The following ASMT variants were observed in gnomAD, a reference collection of about 807,000 sequenced individuals.
ASMT encodes the protein acetylserotonin N-methyltransferase.
A neutral mutation model predicts 41.3 loss-of-function variants in ASMT; 53 were observed. The observed-to-expected ratio is 1.28, with a 90% CI of 1.03 to 1.61. The LOEUF is 1.61. ASMT is among the 40% of genes most tolerant of loss of function. ASMT has a pLI of 0.00. For missense variants in ASMT, 531 were observed against 441.3 expected, an observed-to-expected ratio of 1.20 and a Z score of -1.82; for synonymous variants, 231 against 184.8, an observed-to-expected ratio of 1.25 and a Z score of -2.03.
chrX:1,632,630 G>A (rs1390639311), intron 5 of ASMT, 74 bp from the exon 6 acceptor site: 1 of 164,416 alleles, frequency 6.1e-6, no homozygotes, highest in African/African-American at 2.4e-5. Flanking sequence ...ACTCCAGCCT[G>A]GGCGACAGAG....
Position 1,615,119 on chromosome X carries a change from C to A in ASMT, c.-81C>A, listed in dbSNP as rs1247910843. 5 of 1,326,136 alleles carry A rather than the reference C, an allele frequency of 3.8e-6. No individual in the cohort carries two copies. Among genetic ancestry groups the A allele is most frequent in the East Asian group, 2.5e-5 (1 of 39,828 alleles). The allele number at this position is 1,326,136 out of a possible 1,614,324, so 82.1% of individuals were successfully genotyped here. A position where few individuals can be genotyped will look rare whatever the true frequency, so the allele number is the denominator to read the frequency against. Reference sequence around the variant, plus strand: ...CAGCAGCTGTGAGCGGGTGGCTCTTCCCCACCTTGCCAGCAGGCTCTGTGC... The same window carrying A: ...CAGCAGCTGTGAGCGGGTGGCTCTTACCCACCTTGCCAGCAGGCTCTGTGC... On this transcript the variant is annotated 5_prime_UTR_variant, in exon 1 of 9. Transcript: ENST00000381241.
chrX:1,617,087 C>T (rs1273838548), intron 1 of ASMT, among the ~76,000 whole-genome samples: 3 of 151,838 alleles, frequency 2.0e-5, no homozygotes, highest in Admixed American at 6.6e-5. Flanking sequence ...GCGGGAGGAT[C>T]GCTTAAGCCT....
At chrX:1,631,360 G>C (rs1422870152) in intron 5 of ASMT, among the ~76,000 whole-genome samples, 2 of 151,826 alleles carry the variant, frequency 1.3e-5, no homozygotes, top group African/African-American at 2.4e-5. Flanking sequence ...GGCTGAGCTT[G>C]CTTTTTGAAT....
chrX:1,631,414 C>A (rs1934771478), intron 5 of ASMT, among the ~76,000 whole-genome samples: 1 of 151,952 alleles, frequency 6.6e-6, no homozygotes, highest in African/African-American at 2.4e-5. Context: ...ACCTCCTCTA[C>A]CCCATAGGGC....
At chrX:1,616,509 G>C (rs1374190479) in intron 1 of ASMT, among the ~76,000 whole-genome samples, 1 of 151,206 alleles carries the variant, frequency 6.6e-6, no homozygotes, top group Non-Finnish European at 1.5e-5. Flanking sequence ...AAATGTTCTG[G>C]AACCCGGCGG....
intron 1 of ASMT, among the ~76,000 whole-genome samples, chrX:1,616,113 C>T (rs1229787280): frequency 2.6e-5 from 4 of 151,296 alleles, no homozygotes; most frequent in African/African-American, 9.8e-5. Context: ...ACTGCAACCT[C>T]CGCCTCCAGG....
At chrX:1,630,563 G>C (rs780071690) in intron 5 of ASMT, among the ~76,000 whole-genome samples, 30 of 151,660 alleles carry the variant, frequency 2.0e-4, no homozygotes, top group African/African-American at 7.2e-4. Flanking sequence ...CCTCGGTCTT[G>C]TTTTTAGTTT....
chrX:1,634,063 G>A (rs369565966), intron 7 of ASMT, among the ~76,000 whole-genome samples: 27 of 147,682 alleles, frequency 1.8e-4, no homozygotes, highest in Middle Eastern at 3.5e-3. Context: ...GTGAGCCACC[G>A]CACCCAGCCA....
At chrX:1,630,325 A>AGATGAAGG (rs1934726771) in intron 5 of ASMT, among the ~76,000 whole-genome samples, 1 of 20,458 alleles carries the variant, frequency 4.9e-5, no homozygotes, top group African/African-American at 1.8e-4. Context: ...TTTTTTTTTG[A>AGATGAAGG]GATGAAGTGT....
chrX:1,616,871 G>C (rs1367271246), intron 1 of ASMT, among the ~76,000 whole-genome samples: 4 of 151,796 alleles, frequency 2.6e-5, no homozygotes, highest in Non-Finnish European at 5.9e-5. Context: ...ACCACGCCCG[G>C]CTAATTTTTT....
intron 1 of ASMT, among the ~76,000 whole-genome samples, chrX:1,622,071 C>T (rs1458235403): frequency 6.6e-6 from 1 of 151,906 alleles, no homozygotes; most frequent in African/African-American, 2.4e-5. Flanking sequence ...TGGCTCACTG[C>T]AACCTCTGCC....
chrX:1,628,826 G>A (rs866480211), intron 4 of ASMT, among the ~76,000 whole-genome samples: 15 of 57,526 alleles, frequency 2.6e-4, no homozygotes, highest in African/African-American at 6.3e-4. Flanking sequence ...CTCCTCTCCC[G>A]TCTTCTTTCT....
At position 1,615,270 on chromosome X, in the gene ASMT, T is replaced by C; in HGVS notation, c.69+2T>C. The C allele has an allele frequency of 6.3e-7, 1 of 1,589,646 alleles. No homozygotes were observed. ...GCCAACGGCTTCATGGTGTCCCAGG[T>C]AGGATACGCTCTGTGGGACAAGGGG... On this transcript the variant is annotated splice_donor_variant, in intron 1 of 8. Transcript: ENST00000381241. LOFTEE classifies it high-confidence loss of function.
At chrX:1,630,583 G>A (rs1249869625) in intron 5 of ASMT, among the ~76,000 whole-genome samples, 2 of 151,846 alleles carry the variant, frequency 1.3e-5, no homozygotes, top group African/African-American at 4.8e-5. Flanking sequence ...TTTGAGAGAG[G>A]GTCCTGTTTG....
chrX:1,622,077 C>G lies in ASMT; in HGVS notation c.70-1062C>G, dbSNP rs1379413496. Among the ~76,000 whole-genome samples, 3 of 152,010 alleles carry G rather than the reference C, an allele frequency of 2.0e-5. No individual in the cohort carries two copies. In the East Asian group the frequency reaches 5.8e-4, roughly 29 times the overall value. The stretch of plus-strand genomic sequence containing the variant: ...ATGCGATCTTGGCTCACTGCAACCT[C>G]TGCCTCCCGGGTTTACGCCATTCTC... On this transcript the variant is annotated intron_variant, in intron 1 of 8. Transcript: ENST00000381241.
intron 3 of ASMT, among the ~76,000 whole-genome samples, chrX:1,625,359 G>A (rs1464313328): frequency 6.6e-6 from 1 of 151,332 alleles, no homozygotes; most frequent in Non-Finnish European, 1.5e-5. Flanking sequence ...CTGCCTACAT[G>A]GTGGCAGGCA....
At chrX:1,634,082 A>G (rs1282408043) in intron 7 of ASMT, among the ~76,000 whole-genome samples, 1 of 151,024 alleles carries the variant, frequency 6.6e-6, no homozygotes, top group African/African-American at 2.5e-5. Flanking sequence ...CAGTCATATC[A>G]TTTCTGCAGT....
chrX:1,636,012 A>G (rs193227344), intron 7 of ASMT, among the ~76,000 whole-genome samples: 2,418 of 149,114 alleles, frequency 0.016, 55 homozygotes, highest in African/African-American at 0.056. Context: ...CTGGAGTGCA[A>G]TGGTGCAATC....
chrX:1,631,010 A>C (rs1360664393), intron 5 of ASMT, among the ~76,000 whole-genome samples: 1 of 149,392 alleles, frequency 6.7e-6, no homozygotes, highest in Non-Finnish European at 1.5e-5. Context: ...TCCCGGGTTC[A>C]CGCCATTCTC....
Sources: allele counts gnomAD v4.1 joint callset (sites outside exome capture counted in the v4.1 genomes callset), GRCh38; gene constraint gnomAD v4.1.1; transcripts MANE v1.5; gene names NCBI Gene and HGNC (gene_info 2026-07-23, HGNC 2026-07-21).